RPS6KA1: variants seen among roughly 807,000 people sequenced by gnomAD.
The protein encoded by RPS6KA1 is ribosomal protein S6 kinase alpha-1.
A neutral mutation model predicts 91.3 loss-of-function variants in RPS6KA1; 48 were observed. The observed-to-expected ratio is 0.53, with a 90% CI of 0.42 to 0.67. The LOEUF is 0.67. RPS6KA1 is among the 30% of genes least tolerant of loss of function. RPS6KA1 has a pLI of 0.00. For missense variants in RPS6KA1, 719 were observed against 960.5 expected (o/e 0.75, Z 3.32); for synonymous variants, 359 against 384.7 (o/e 0.93, Z 0.78).
intron 17 of RPS6KA1, among the ~76,000 whole-genome samples, chr1:26,569,250 C>T (rs1021604788): frequency 3.3e-5 from 5 of 152,144 alleles, no homozygotes; most frequent in Admixed American, 6.6e-5. Flanking sequence ...CCTGTCCACC[C>T]GCCGAGGTGC....
At chr1:26,546,652 G>A (rs187442763) in intron 2 of RPS6KA1, among the ~76,000 whole-genome samples, 81 of 152,352 alleles carry the variant, frequency 5.3e-4, no homozygotes, top group Admixed American at 2.9e-3. Flanking sequence ...CCAGAGCATC[G>A]TGAGCAATAG....
chr1:26,561,159 G>T lies in RPS6KA1; in HGVS notation c.1431+25G>T. 6.3e-7 allele frequency: 1 copy of T among 1,587,598 alleles called. No individual in the cohort carries two copies. The highest frequency in any genetic ancestry group is 1.1e-5 in the South Asian group (1 of 90,498). On this transcript the variant is annotated intron_variant, in intron 16 of 21. Coordinates refer to ENST00000374168, the MANE Select transcript of RPS6KA1 (RefSeq NM_002953.4). This position sits in a 1 kb window ranked among gnomAD's most constrained non-coding sequence, Gnocchi z 5.7. ...TGTGAGTGGGGGTCCTTAAGACTGGGGTGGGGACCAGGAACTCAACTCTCA... is the reference window on the plus strand; with the variant it reads ...TGTGAGTGGGGGTCCTTAAGACTGGTGTGGGGACCAGGAACTCAACTCTCA...
chr1:26,563,338 C>T (rs1391959302), intron 17 of RPS6KA1, among the ~76,000 whole-genome samples: 1 of 152,006 alleles, frequency 6.6e-6, no homozygotes, highest in Admixed American at 6.6e-5. Context: ...AATGATCCTC[C>T]CACTTCAGCC....
At chr1:26,530,397 A>G (rs2075859199) in intron 1 of RPS6KA1, among the ~76,000 whole-genome samples, 1 of 152,134 alleles carries the variant, frequency 6.6e-6, no homozygotes, top group South Asian at 2.1e-4. Flanking sequence ...CTCCGCCAAG[A>G]GCTCCCTGCT....
At chr1:26,570,768 T>C (rs1228832215) in intron 17 of RPS6KA1, among the ~76,000 whole-genome samples, 1 of 152,236 alleles carries the variant, frequency 6.6e-6, no homozygotes, top group Non-Finnish European at 1.5e-5. Flanking sequence ...TTAAATATTA[T>C]GTTAAGTAGT....
rs934458766 is a variant in RPS6KA1, at chr1:26,574,743, T to A, written c.*542T>A. On this transcript the variant is annotated 3_prime_UTR_variant, in exon 22 of 22. Coordinates refer to ENST00000374168, the MANE Select transcript of RPS6KA1 (RefSeq NM_002953.4). The surrounding 1 kb of genome is among the most constrained non-coding windows in gnomAD (Gnocchi z 4.3). ...GTTCTGCTGGGAGTTCTAGAACCAC[T>A]TCCTGCTACAGGAGGGGTCTCATGT... The A allele has an allele frequency of 6.9e-6, 2 of 291,060 alleles. No homozygotes were observed. Among genetic ancestry groups the A allele is most frequent in the Non-Finnish European group, 1.4e-5 (2 of 146,560 alleles). 18.0% of individuals were successfully genotyped at this position (291,060 alleles called of 1,614,324 possible). A position where few individuals can be genotyped will look rare whatever the true frequency, so the allele number is the denominator to read the frequency against.
At chr1:26,557,420 A>G (rs2076112607) in intron 13 of RPS6KA1, among the ~76,000 whole-genome samples, 1 of 152,092 alleles carries the variant, frequency 6.6e-6, no homozygotes, top group Admixed American at 6.5e-5. Flanking sequence ...GACCAAACAC[A>G]TCAGGCTTAC....
intron 2 of RPS6KA1, among the ~76,000 whole-genome samples, chr1:26,539,508 G>A (rs749926516): frequency 1.1e-4 from 16 of 152,208 alleles, no homozygotes; most frequent in South Asian, 2.1e-4. Context: ...TTGCCTTGCT[G>A]AGGCTCGGGT....
chr1:26,573,227 C>A lies in RPS6KA1; in HGVS notation c.1951C>A (p.Leu651Met). 1 of 1,614,018 alleles carries A rather than the reference C, an allele frequency of 6.2e-7. No individual in the cohort carries two copies. The highest frequency in any genetic ancestry group is 8.5e-7 in the Non-Finnish European group (1 of 1,179,948). ...WNTVSETAKDLVSKMLHVDPH... is the reference protein window; with the variant it reads ...WNTVSETAKDMVSKMLHVDPH... ...CCCTTGCCCACTGTGTCCCCAGGAC[C>A]TGGTGTCCAAGATGCTACACGTGGA... The change falls in exon 21 of 22, where the codon CTG (leucine) becomes ATG (methionine). Residue 651 changes from leucine (L) to methionine (M), a missense_variant. Transcript: ENST00000374168.
chr1:26,568,374 C>T (rs1407950541), intron 17 of RPS6KA1, among the ~76,000 whole-genome samples: 1 of 152,206 alleles, frequency 6.6e-6, no homozygotes, highest in East Asian at 1.9e-4. Flanking sequence ...ACCATCCCTA[C>T]TATTCTGCCA....
At chr1:26,552,343 G>A (rs2076058482) in intron 6 of RPS6KA1, among the ~76,000 whole-genome samples, 2 of 130,920 alleles carry the variant, frequency 1.5e-5, no homozygotes, top group Admixed American at 8.4e-5. Flanking sequence ...AGCCAAGATC[G>A]CGCCACTGCA....
At position 26,558,735 on chromosome 1, in the gene RPS6KA1, C is replaced by T; in HGVS notation, c.1085-72C>T. ...GGCAGGTCTGGAGGCCCTGTGCTCC[C>T]CCTTTGCTGGGCTGCCTCAGGGTCG... On this transcript the variant is annotated intron_variant, in intron 13 of 21. Transcript: ENST00000374168. The surrounding 1 kb of genome is among the most constrained non-coding windows in gnomAD (Gnocchi z 4.0). 1 of 1,534,656 alleles carries T rather than the reference C, an allele frequency of 6.5e-7. No homozygotes were observed. The highest frequency in any genetic ancestry group is 8.8e-7 in the Non-Finnish European group (1 of 1,130,512).
In RPS6KA1 at chr1:26,574,211, G is replaced by A; in HGVS notation, c.*10G>A. The A allele has an allele frequency of 6.2e-7, 1 of 1,613,994 alleles. No homozygotes were observed. The highest frequency in any genetic ancestry group is 8.5e-7 in the Non-Finnish European group (1 of 1,180,008). ...ATCCACCACCCTGTGAGGCACCAGG[G>A]CATTCGGGCCACAGGGCGGTGCTAG... is the stretch of plus-strand genomic sequence containing the variant. On this transcript the variant is annotated 3_prime_UTR_variant, in exon 22 of 22. Transcript: ENST00000374168. This position sits in a 1 kb window ranked among gnomAD's most constrained non-coding sequence, Gnocchi z 4.3.
In RPS6KA1 at chr1:26,558,823, C is replaced by T; in HGVS notation, c.1101C>T (p.Pro367=). The change falls in exon 14 of 22, where the codon CCC becomes CCT. Residue 367 remains proline, a synonymous_variant. Coordinates refer to ENST00000374168, the MANE Select transcript of RPS6KA1 (RefSeq NM_002953.4). This position sits in a 1 kb window ranked among gnomAD's most constrained non-coding sequence, Gnocchi z 4.0. ...SRTPKDSPGI[P]PSAGAHQLFR... The stretch of plus-strand genomic sequence containing the variant: ...TCCGTACAGATTCCCCAGGCATCCC[C>T]CCCAGCGCTGGGGCCCATCAGCTGT... 1 of 1,611,142 alleles carries T rather than the reference C, an allele frequency of 6.2e-7. No individual in the cohort carries two copies. Among genetic ancestry groups the T allele is most frequent in the Non-Finnish European group, 8.5e-7 (1 of 1,177,616 alleles).
At chr1:26,541,645 G>A (rs914980490) in intron 2 of RPS6KA1, among the ~76,000 whole-genome samples, 6 of 152,258 alleles carry the variant, frequency 3.9e-5, no homozygotes, top group South Asian at 2.1e-4. Flanking sequence ...CTGACCTAGT[G>A]TTGGAGGCCA....
intron 2 of RPS6KA1, among the ~76,000 whole-genome samples, chr1:26,546,264 C>T (rs1037188936): frequency 2.6e-5 from 4 of 152,198 alleles, no homozygotes; most frequent in Non-Finnish European, 5.9e-5. Context: ...AAGGCTAGGA[C>T]CTGGCAAGGG....
At chr1:26,537,960 C>G (rs760833242) in intron 2 of RPS6KA1, among the ~76,000 whole-genome samples, 5 of 152,246 alleles carry the variant, frequency 3.3e-5, no homozygotes, top group Non-Finnish European at 5.9e-5. Flanking sequence ...AGCTCAGCTT[C>G]CTGCCAGTGA....
intron 2 of RPS6KA1, among the ~76,000 whole-genome samples, chr1:26,539,561 G>T (rs2075931245): frequency 6.6e-6 from 1 of 152,198 alleles, no homozygotes; most frequent in African/African-American, 2.4e-5. Flanking sequence ...TATTTCTCAG[G>T]GCTACCTGGA....
chr1:26,538,860 C>A (rs1474880660), intron 2 of RPS6KA1, among the ~76,000 whole-genome samples: 1 of 152,214 alleles, frequency 6.6e-6, no homozygotes, highest in Admixed American at 6.5e-5. Flanking sequence ...CTAATGCCCA[C>A]TTCTGGGCTT....
Sources: gnomAD v4.1 joint callset for allele counts (sites outside exome capture counted in the v4.1 genomes callset) on GRCh38, gnomAD v4.1.1 for gene constraint, Gnocchi (gnomAD v3.1) non-coding constraint, MANE v1.5 for transcripts, NCBI Gene and HGNC (gene_info 2026-07-23, HGNC 2026-07-21) for gene names.